Variants in SNRNP70 observed in about 807,000 individuals in gnomAD.
SNRNP70 encodes U1 small nuclear ribonucleoprotein 70 kDa.
SNRNP70 carries 8 observed loss-of-function variants against 50.5 expected under a neutral mutation model. The observed-to-expected ratio is 0.16, with a 90% CI of 0.09 to 0.29. The LOEUF is 0.29. SNRNP70 is among the 10% of genes least tolerant of loss of function. The probability of loss-of-function intolerance (pLI) is 1.00; values close to 1 mark genes in which losing one functional copy is unlikely to be tolerated. For synonymous variants in SNRNP70, 320 were observed against 252.9 expected, an observed-to-expected ratio of 1.27 and a Z score of -2.52; for missense variants, 529 against 663.5, an observed-to-expected ratio of 0.80 and a Z score of 2.23.
At chr19:49,098,572 C>G in intron 5 of SNRNP70, 70 bp from the exon 6 acceptor site, 1 of 1,591,002 alleles carries the variant, frequency 6.3e-7, no homozygotes, top group Middle Eastern at 1.7e-4. Context: ...AGGCTAGGTA[C>G]AGGGGAATGT....
At chr19:49,092,915 G>A (rs1377259821) in intron 4 of SNRNP70, among the ~76,000 whole-genome samples, 1 of 134,280 alleles carries the variant, frequency 7.4e-6, no homozygotes, top group South Asian at 2.4e-4. Flanking sequence ...TTTTTTTGTT[G>A]TGTTTTGTTT....
intron 1 of SNRNP70, 52 bp from the exon 2 acceptor site, chr19:49,086,353 T>A: frequency 6.5e-7 from 1 of 1,533,304 alleles, no homozygotes; most frequent in East Asian, 2.3e-5. Flanking sequence ...TAACAGGGGC[T>A]TTCTCTGTGC....
chr19:49,086,877 A>G (rs2040387210), intron 2 of SNRNP70, among the ~76,000 whole-genome samples: 1 of 127,034 alleles, frequency 7.9e-6, no homozygotes. Context: ...CTCTCAAAAA[A>G]AAAATTTTTT....
intron 4 of SNRNP70, among the ~76,000 whole-genome samples, chr19:49,091,572 A>T (rs1436521732): frequency 1.3e-5 from 2 of 152,040 alleles, no homozygotes; most frequent in African/African-American, 4.8e-5. Flanking sequence ...GTGCCATCTC[A>T]TGTTGGCATA....
chr19:49,086,294 T>G, intron 1 of SNRNP70, 111 bp from the exon 2 acceptor site: 1 of 1,291,056 alleles, frequency 7.7e-7, no homozygotes, highest in Non-Finnish European at 1.1e-6. Context: ...AGAGCCTGTT[T>G]TAATTCCGAG....
At chr19:49,086,375 A>C in intron 1 of SNRNP70, 30 bp from the exon 2 acceptor site, 1 of 1,602,534 alleles carries the variant, frequency 6.2e-7, no homozygotes, top group African/African-American at 1.3e-5. Flanking sequence ...GACCCGATCT[A>C]ACCTAAGGCT....
At chr19:49,092,470 ACTATCT>A (rs574435009) in intron 4 of SNRNP70, among the ~76,000 whole-genome samples, 57 of 144,692 alleles carry the variant, frequency 3.9e-4, no homozygotes, top group African/African-American at 1.3e-3. Flanking sequence ...GTGCAGTGGT[ACTATCT>A]TAGCTCACTG....
intron 1 of SNRNP70, 38 bp downstream of exon 1, chr19:49,085,674 G>T (rs1308561911): frequency 4.4e-6 from 2 of 455,386 alleles, no homozygotes; most frequent in Non-Finnish European, 8.8e-6. Flanking sequence ...CGGGGTGCGG[G>T]GCCGCTACCC....
chr19:49,107,376 C>G lies in SNRNP70; in HGVS notation c.578-249C>G, dbSNP rs2040685401. Among the ~76,000 whole-genome samples the G allele has an allele frequency of 1.3e-5, 2 of 152,264 alleles. No homozygotes were observed. Among genetic ancestry groups the G allele is most frequent in the South Asian group, 4.1e-4 (2 of 4,824 alleles). On this transcript the variant is annotated intron_variant, in intron 8 of 9. Coordinates refer to ENST00000598441, the MANE Select transcript of SNRNP70 (RefSeq NM_003089.6). The surrounding 1 kb of genome is among the most constrained non-coding windows in gnomAD (Gnocchi z 6.0). ...GAAGTGCGCTATGGTTAAGATGATG[C>G]GCTTTGGGGCCAGACATGGGTTCCA...
chr19:49,107,865 C>CGGGAGCGAGACA lies in SNRNP70; in HGVS notation c.737_748dup (p.Arg246_Asp249dup). 6.4e-7 allele frequency: 1 copy of CGGGAGCGAGACA among 1,558,574 alleles called. No individual in the cohort carries two copies. Among genetic ancestry groups the CGGGAGCGAGACA allele is most frequent in the Non-Finnish European group, 8.7e-7 (1 of 1,151,938 alleles). ...TGAGCGGGAGCGCAGAGAGCGGAGC[C>CGGGAGCGAGACA]GGGAGCGAGACAAGGAGCGAGAACG... On this transcript the variant is annotated inframe_insertion, in exon 10 of 10. Transcript: ENST00000598441. The surrounding 1 kb of genome is among the most constrained non-coding windows in gnomAD (Gnocchi z 6.0).
chr19:49,086,341 A>G, intron 1 of SNRNP70, 64 bp from the exon 2 acceptor site: 1 of 1,499,448 alleles, frequency 6.7e-7, no homozygotes, highest in Non-Finnish European at 9.0e-7. Flanking sequence ...AGAGTCAAGG[A>G]GTAACAGGGG....
At chr19:49,095,283 C>CAA (rs2040498725) in intron 4 of SNRNP70, among the ~76,000 whole-genome samples, 2 of 152,348 alleles carry the variant, frequency 1.3e-5, no homozygotes, top group African/African-American at 4.8e-5. Context: ...CTCCCCAGCC[C>CAA]TGCAGCATTC....
intron 7 of SNRNP70, 33 bp downstream of exon 7, chr19:49,101,504 CCTG>C: frequency 2.7e-6 from 4 of 1,484,574 alleles, no homozygotes; most frequent in Non-Finnish European, 3.8e-6. Context: ...TGCCCTCTGA[CCTG>C]CTCTCACTTC....
intron 4 of SNRNP70, among the ~76,000 whole-genome samples, chr19:49,095,977 A>C (rs2040507901): frequency 2.0e-5 from 1 of 50,074 alleles, no homozygotes; most frequent in African/African-American, 5.9e-5. Context: ...AGCTGGTGCA[A>C]AAAAAAAAAA....
chr19:49,099,444 T>C (rs1284341894), intron 6 of SNRNP70, among the ~76,000 whole-genome samples: 3 of 151,730 alleles, frequency 2.0e-5, no homozygotes, highest in Non-Finnish European at 2.9e-5. Context: ...AAAAAAGTAT[T>C]GTTGGGCCAG....
chr19:49,100,169 C>T (rs2122362760), intron 6 of SNRNP70, among the ~76,000 whole-genome samples: 1 of 152,266 alleles, frequency 6.6e-6, no homozygotes, highest in South Asian at 2.1e-4. Context: ...CTGTTACCTC[C>T]CAGAAATCTT....
chr19:49,098,620 C>T (rs776446580), intron 5 of SNRNP70, 22 bp from the exon 6 acceptor site: 3 of 1,611,296 alleles, frequency 1.9e-6, no homozygotes, highest in Admixed American at 1.7e-5. Flanking sequence ...TCCCATTTAA[C>T]GTCATATCCA....
At chr19:49,095,246 G>T (rs966507945) in intron 4 of SNRNP70, among the ~76,000 whole-genome samples, 6 of 152,234 alleles carry the variant, frequency 3.9e-5, no homozygotes, top group African/African-American at 1.2e-4. Context: ...CCTTCAGGAA[G>T]CTCAGCTGTT....
chr19:49,108,316 G>T lies in SNRNP70; in HGVS notation c.1187G>T (p.Gly396Val). Reference sequence around the variant, plus strand: ...GGCAGGGATGAGGCCCGAGGTGGGGGCGGTGGCCAGGACAACGGGCTGGAG... The same window carrying T: ...GGCAGGGATGAGGCCCGAGGTGGGGTCGGTGGCCAGGACAACGGGCTGGAG... The part of the protein sequence containing the change: ...ERGRDEARGG[G>V]GGQDNGLEGL... The change falls in exon 10 of 10, where the codon GGC becomes GTC. Residue 396 changes from glycine (G) to valine (V), a missense_variant. Gly to Val is a moderately radical substitution (Grantham distance 109, BLOSUM62 -3). This residue lies in a region of SNRNP70 where 327 missense variants were observed against 308.8 expected (regional missense o/e 1.06). Coordinates refer to ENST00000598441, the MANE Select transcript of SNRNP70 (RefSeq NM_003089.6). The T allele has an allele frequency of 1.3e-6, 2 of 1,592,762 alleles. No individual in the cohort carries two copies. The highest frequency in any genetic ancestry group is 1.7e-6 in the Non-Finnish European group (2 of 1,170,540).
Sources: allele counts gnomAD v4.1 joint callset (sites outside exome capture counted in the v4.1 genomes callset), GRCh38; gene constraint gnomAD v4.1.1; regional missense constraint gnomAD v4.1.1; non-coding constraint Gnocchi (gnomAD v3.1); transcripts MANE v1.5; gene names NCBI Gene and HGNC (gene_info 2026-07-23, HGNC 2026-07-21).